The following THAP2 variants were observed in gnomAD, a reference collection of about 807,000 sequenced individuals.
THAP2 encodes the protein THAP domain-containing protein 2.
In THAP2, 16 loss-of-function variants were observed where a neutral mutation model predicts 18.8. That is an observed-to-expected ratio of 0.85 (90% CI 0.58 to 1.29). The LOEUF (loss-of-function observed/expected upper bound fraction) is 1.29, where lower values mean the gene tolerates loss of function less well. THAP2 is among the 50% of genes most tolerant of loss of function. The pLI is 0.00. For synonymous variants in THAP2, 80 were observed against 89.2 expected, an observed-to-expected ratio of 0.90 and a Z score of 0.58; for missense variants, 251 against 265.3, an observed-to-expected ratio of 0.95 and a Z score of 0.38.
intron 1 of THAP2, among the ~76,000 whole-genome samples, chr12:71,666,363 A>G (rs1881342368): frequency 1.3e-5 from 2 of 152,078 alleles, no homozygotes; most frequent in African/African-American, 4.8e-5. Context: ...ATACAAAAAA[A>G]TCAGCTGGCC....
In THAP2 at chr12:71,678,792, G is replaced by T. The variant is rs1022538997; in HGVS notation, c.*1684G>T. On this transcript the variant is annotated 3_prime_UTR_variant, in exon 3 of 3. Coordinates refer to ENST00000308086, the MANE Select transcript of THAP2 (RefSeq NM_031435.4). ...CCAAGGAAATGCAAAGGTAGGAAAA[G>T]TCTCTTAGAATGCCCATGAGGTATT... The T allele has an allele frequency of 1.3e-5, 2 of 152,172 alleles. No individual in the cohort carries two copies. Among genetic ancestry groups the T allele is most frequent in the African/African-American group, 4.8e-5 (2 of 41,448 alleles). The allele number at this position is 152,172 out of a possible 1,614,324, so 9.4% of individuals were successfully genotyped here.
At chr12:71,668,655 G>T (rs1368953056) in intron 1 of THAP2, among the ~76,000 whole-genome samples, 2 of 152,084 alleles carry the variant, frequency 1.3e-5, no homozygotes, top group Non-Finnish European at 2.9e-5. Context: ...TGTCTATTTT[G>T]TTTCCTACTG....
chr12:71,674,601 C>T (rs956245746), intron 2 of THAP2, among the ~76,000 whole-genome samples: 1 of 152,054 alleles, frequency 6.6e-6, no homozygotes, highest in Non-Finnish European at 1.5e-5. Context: ...AATTGTTTTA[C>T]TATATTGGAA....
At position 71,677,630 on chromosome 12, in the gene THAP2, C is replaced by G. The variant is rs1349707174; in HGVS notation, c.*522C>G. The G allele has an allele frequency of 6.6e-6, 1 of 151,904 alleles. No homozygotes were observed. The highest frequency in any genetic ancestry group is 2.4e-5 in the African/African-American group (1 of 41,338). 9.4% of individuals were successfully genotyped at this position (151,904 alleles called of 1,614,324 possible). A position where few individuals can be genotyped will look rare whatever the true frequency, so the allele number is the denominator to read the frequency against. On this transcript the variant is annotated 3_prime_UTR_variant, in exon 3 of 3. Coordinates refer to ENST00000308086, the MANE Select transcript of THAP2 (RefSeq NM_031435.4). The stretch of plus-strand genomic sequence containing the variant: ...TAAAACTTTCTATATTTTGTTTTAC[C>G]AGTAAAAGTGAGCTTATCATGGCCT...
chr12:71,671,383 G>C (rs1315589710), intron 1 of THAP2, among the ~76,000 whole-genome samples: 1 of 152,160 alleles, frequency 6.6e-6, no homozygotes, highest in Admixed American at 6.5e-5. Flanking sequence ...TCATCTGGCA[G>C]TGTTCAGAAG....
rs1317385879 is a variant in THAP2 at position 71,678,826 on chromosome 12, A to C, written c.*1718A>C. 1.3e-5 allele frequency: 2 copies of C among 152,168 alleles called. No homozygotes were observed. The highest frequency in any genetic ancestry group is 4.8e-5 in the African/African-American group (2 of 41,448). 9.4% of individuals were successfully genotyped at this position (152,168 alleles called of 1,614,324 possible). On this transcript the variant is annotated 3_prime_UTR_variant, in exon 3 of 3. Coordinates refer to ENST00000308086, the MANE Select transcript of THAP2 (RefSeq NM_031435.4). The stretch of plus-strand genomic sequence containing the variant: ...AATGCCCATGAGGTATTTAAAACAG[A>C]TATTTATGAAAATCTTTTTGTGAAT...
In THAP2 at chr12:71,678,623, T is replaced by C. The variant is rs1342776707; in HGVS notation, c.*1515T>C. The C allele has an allele frequency of 2.0e-5, 3 of 152,326 alleles. No individual in the cohort carries two copies. Among genetic ancestry groups the C allele is most frequent in the Non-Finnish European group, 4.4e-5 (3 of 68,014 alleles). 9.4% of individuals were successfully genotyped at this position (152,326 alleles called of 1,614,324 possible). On this transcript the variant is annotated 3_prime_UTR_variant, in exon 3 of 3. Coordinates refer to ENST00000308086, the MANE Select transcript of THAP2 (RefSeq NM_031435.4). ...AAGGTAGCATAAACCAAGTCATAAA[T>C]TGCTGTAATCTTTCCTGTAAAGTAA...
rs562505151 is a variant in THAP2 at position 71,679,102 on chromosome 12, C to G, written c.*1994C>G. ...TGTGGTTCACCCTTCACCCCAGATA[C>G]AAAACACTTATTTGTGTAGCCCAGT... On this transcript the variant is annotated 3_prime_UTR_variant, in exon 3 of 3. Transcript: ENST00000308086. The G allele has an allele frequency of 6.6e-6, 1 of 152,180 alleles. No homozygotes were observed. 9.4% of individuals were successfully genotyped at this position (152,180 alleles called of 1,614,324 possible).
intron 1 of THAP2, among the ~76,000 whole-genome samples, 178 bp from the exon 2 acceptor site, chr12:71,674,025 C>G (rs1189460784): frequency 6.6e-6 from 1 of 152,058 alleles, no homozygotes; most frequent in African/African-American, 2.4e-5. Context: ...CTAAGTTTTT[C>G]AAACTTATAA....
chr12:71,664,477 G>A lies in THAP2; in HGVS notation c.-33G>A, dbSNP rs376372305. On this transcript the variant is annotated 5_prime_UTR_variant, in exon 1 of 3. Transcript: ENST00000308086. ...GCTTAGCAGCCAGCGCCTCAGTAGA[G>A]ACCTAAGGGCGCTGAATGAGTGGGA... The A allele has an allele frequency of 2.9e-5, 46 of 1,613,616 alleles. No homozygotes were observed. Among genetic ancestry groups the A allele is most frequent in the East Asian group, 4.5e-5 (2 of 44,884 alleles).
At chr12:71,667,356 C>T (rs1472487914) in intron 1 of THAP2, among the ~76,000 whole-genome samples, 1 of 152,178 alleles carries the variant, frequency 6.6e-6, no homozygotes, top group African/African-American at 2.4e-5. Flanking sequence ...GTTCTGTGGT[C>T]TCAGCATCTA....
intron 1 of THAP2, among the ~76,000 whole-genome samples, chr12:71,672,761 G>A (rs541212610): frequency 1.3e-5 from 2 of 151,778 alleles, no homozygotes; most frequent in Non-Finnish European, 2.9e-5. Context: ...TTCTTGTATT[G>A]TCATGACTCT....
chr12:71,664,737 A>G (rs918898966), intron 1 of THAP2, 157 bp downstream of exon 1: 7 of 849,188 alleles, frequency 8.2e-6, no homozygotes, highest in Middle Eastern at 2.2e-4. Context: ...AATCTGCCCA[A>G]TTGTTCTCTG....
At chr12:71,674,820 G>T (rs1283847875) in intron 2 of THAP2, among the ~76,000 whole-genome samples, 1 of 152,092 alleles carries the variant, frequency 6.6e-6, no homozygotes, top group Non-Finnish European at 1.5e-5. Context: ...TCTTCAGAGA[G>T]CTTGGGCATT....
Position 71,664,460 on chromosome 12 carries a change from G to C in THAP2, c.-50G>C, listed in dbSNP as rs80018726. On this transcript the variant is annotated 5_prime_UTR_variant, in exon 1 of 3. Coordinates refer to ENST00000308086, the MANE Select transcript of THAP2 (RefSeq NM_031435.4). ...GCCTCTGCCAGAAGAAAGCTTAGCA[G>C]CCAGCGCCTCAGTAGAGACCTAAGG... 9 of 1,609,554 alleles carry C rather than the reference G, an allele frequency of 5.6e-6. No homozygotes were observed. The African/African-American group carries it at 1.2e-4, about 21-fold the overall frequency.
chr12:71,666,926 G>A (rs1360143970), intron 1 of THAP2, among the ~76,000 whole-genome samples: 2 of 152,118 alleles, frequency 1.3e-5, no homozygotes, highest in African/African-American at 4.8e-5. Context: ...AAGAGATGGG[G>A]TTTCACCATA....
chr12:71,665,087 A>G (rs1881309721), intron 1 of THAP2: 1 of 655,778 alleles, frequency 1.5e-6, no homozygotes, highest in African/African-American at 1.8e-5. Flanking sequence ...TTAAAGTGCA[A>G]AAGATAACCT....
intron 1 of THAP2, among the ~76,000 whole-genome samples, chr12:71,673,773 C>T (rs916184774): frequency 6.6e-6 from 1 of 151,994 alleles, no homozygotes; most frequent in Non-Finnish European, 1.5e-5. Flanking sequence ...GGAAAGAGTA[C>T]CAGAATCTGC....
At chr12:71,666,983 C>T (rs540184295) in intron 1 of THAP2, among the ~76,000 whole-genome samples, 4 of 152,322 alleles carry the variant, frequency 2.6e-5, no homozygotes, top group South Asian at 2.1e-4. Flanking sequence ...CCACCTGCCT[C>T]GGCCTCCCAA....
Sources: allele counts gnomAD v4.1 joint callset (sites outside exome capture counted in the v4.1 genomes callset), GRCh38; gene constraint gnomAD v4.1.1; transcripts MANE v1.5; gene names NCBI Gene and HGNC (gene_info 2026-07-23, HGNC 2026-07-21).